Variants in RPRD1A observed in about 807,000 individuals in gnomAD.
The protein encoded by RPRD1A is regulation of nuclear pre-mRNA domain containing 1A.
RPRD1A carries 9 observed loss-of-function variants against 37.8 expected under a neutral mutation model. The observed-to-expected ratio is 0.24, with a 90% CI of 0.14 to 0.42. RPRD1A has a LOEUF of 0.42. Ranked by LOEUF, RPRD1A falls within the 10% of genes least tolerant of loss-of-function variation. The pLI is 1.00. For synonymous variants in RPRD1A, 138 were observed against 139.7 expected (o/e 0.99, Z 0.08); for missense variants, 255 against 371.0 (o/e 0.69, Z 2.57).
chr18:36,058,574 G>A (rs1026577846), intron 1 of RPRD1A, among the ~76,000 whole-genome samples: 3 of 151,968 alleles, frequency 2.0e-5, no homozygotes, highest in Admixed American at 6.6e-5. Flanking sequence ...ATAAAATTAC[G>A]TTACGGGCCA....
chr18:36,036,385 T>G (rs920101871), intron 1 of RPRD1A, among the ~76,000 whole-genome samples: 1 of 152,148 alleles, frequency 6.6e-6, no homozygotes, highest in Non-Finnish European at 1.5e-5. Context: ...TAGAATGTTT[T>G]TTAAATTCAT....
At chr18:35,998,068 C>T (rs903189827) in intron 6 of RPRD1A, among the ~76,000 whole-genome samples, 6 of 152,142 alleles carry the variant, frequency 3.9e-5, no homozygotes, top group Admixed American at 1.3e-4. Flanking sequence ...TCAAAATAAA[C>T]GTAACTAGGG....
chr18:35,997,339 C>A (rs571915412), intron 6 of RPRD1A, among the ~76,000 whole-genome samples: 1 of 152,186 alleles, frequency 6.6e-6, no homozygotes, highest in South Asian at 2.1e-4. Flanking sequence ...ATTGACCATT[C>A]ACATATCACA....
chr18:36,018,664 G>A (rs1386480205), intron 6 of RPRD1A, among the ~76,000 whole-genome samples: 1 of 152,032 alleles, frequency 6.6e-6, no homozygotes, highest in African/African-American at 2.4e-5. Context: ...TTGAGGGCAT[G>A]GTAATAAATA....
intron 6 of RPRD1A, among the ~76,000 whole-genome samples, chr18:36,020,921 G>T (rs1171572863): frequency 6.6e-6 from 1 of 152,054 alleles, no homozygotes; most frequent in Non-Finnish European, 1.5e-5. Flanking sequence ...TGTATTACAT[G>T]AAAAAGAAAG....
intron 4 of RPRD1A, among the ~76,000 whole-genome samples, chr18:36,029,605 T>A (rs569557403): frequency 6.7e-6 from 1 of 148,328 alleles, no homozygotes; most frequent in African/African-American, 2.5e-5. Context: ...GGAGGAAGCT[T>A]AAAGACTCAA....
At chr18:36,042,006 A>T (rs1912618216) in intron 1 of RPRD1A, among the ~76,000 whole-genome samples, 1 of 152,242 alleles carries the variant, frequency 6.6e-6, no homozygotes, top group East Asian at 1.9e-4. Context: ...GATCCTGTCA[A>T]TTCTTGCTTA....
chr18:36,021,765 G>C (rs1003940664), intron 6 of RPRD1A, among the ~76,000 whole-genome samples: 7 of 152,322 alleles, frequency 4.6e-5, no homozygotes, highest in African/African-American at 1.4e-4. Context: ...TTGGGAGGCT[G>C]AGGCAGGAGG....
chr18:36,040,546 A>G (rs1211101262), intron 1 of RPRD1A, among the ~76,000 whole-genome samples: 2 of 152,198 alleles, frequency 1.3e-5, no homozygotes, highest in African/African-American at 2.4e-5. Context: ...GAAGTACTGA[A>G]GTTTTAATTT....
chr18:36,042,048 A>C (rs1021928639), intron 1 of RPRD1A, among the ~76,000 whole-genome samples: 3 of 152,196 alleles, frequency 2.0e-5, no homozygotes, highest in African/African-American at 7.2e-5. Context: ...TTGTTTTCCA[A>C]ACAGCATTTT....
chr18:36,016,882 T>C (rs934343675), intron 6 of RPRD1A, among the ~76,000 whole-genome samples: 16 of 152,160 alleles, frequency 1.1e-4, no homozygotes, highest in Non-Finnish European at 2.1e-4. Context: ...TAAAATGACA[T>C]GTACAGTCTG....
At chr18:36,008,571 G>GTATACATATATATA (rs1359543093) in intron 6 of RPRD1A, among the ~76,000 whole-genome samples, 1 of 27,934 alleles carries the variant, frequency 3.6e-5, no homozygotes, top group African/African-American at 1.7e-4. Flanking sequence ...GCAAGACCTT[G>GTATACATATATATA]TGTGTGTATA....
chr18:36,027,223 C>T lies in RPRD1A; in HGVS notation c.574G>A (p.Val192Ile). ...AVHQRIASLPVEVQEVSLLDK... is the reference protein window; with the variant it reads ...AVHQRIASLPIEVQEVSLLDK... ...AATAGAGATACTTCTTGGACTTCAA[C>T]AGGTAAAGAAGCTATCCTCTGATGA... The change falls in exon 5 of 7, where the codon GTT becomes ATT. Residue 192 changes from valine to isoleucine, a missense_variant. By Grantham distance (29) the Val-to-Ile change is conservative. This residue lies in a region of RPRD1A where 211 missense variants were observed against 268.9 expected (regional missense o/e 0.78). Coordinates refer to ENST00000399022, the MANE Select transcript of RPRD1A (RefSeq NM_018170.5). 3 of 1,613,732 alleles carry T rather than the reference C, an allele frequency of 1.9e-6. No homozygotes were observed. Among genetic ancestry groups the T allele is most frequent in the Non-Finnish European group, 2.5e-6 (3 of 1,179,648 alleles).
intron 1 of RPRD1A, among the ~76,000 whole-genome samples, chr18:36,061,911 A>C (rs1212639999): frequency 2.6e-5 from 4 of 152,244 alleles, no homozygotes; most frequent in Admixed American, 6.5e-5. Flanking sequence ...AATGCATATC[A>C]AAATCATGAG....
Position 36,023,455 on chromosome 18 carries a change from G to A in RPRD1A, c.789+3445C>T, listed in dbSNP as rs28454123. 9.8e-3 allele frequency among the ~76,000 whole-genome samples: 1,487 copies of A among 152,244 alleles called. 24 individuals are homozygous for A. Among genetic ancestry groups the A allele is most frequent in the African/African-American group, 0.034 (1,413 of 41,544 alleles). ...TTGTTGGTGAGGAGTTGCTTCTTAT[G>A]GATGGGCAAATAAAGTGGTTTCCTG... On this transcript the variant is annotated intron_variant, in intron 6 of 6. Coordinates refer to ENST00000399022, the MANE Select transcript of RPRD1A (RefSeq NM_018170.5).
At chr18:36,062,486 A>G (rs1380466443) in intron 1 of RPRD1A, among the ~76,000 whole-genome samples, 2 of 151,884 alleles carry the variant, frequency 1.3e-5, no homozygotes, top group Non-Finnish European at 2.9e-5. Flanking sequence ...CTTGTACAGG[A>G]GTGCTCACAG....
intron 6 of RPRD1A, among the ~76,000 whole-genome samples, chr18:36,021,378 T>C (rs951665313): frequency 3.3e-5 from 5 of 152,206 alleles, no homozygotes; most frequent in African/African-American, 9.7e-5. Flanking sequence ...TTATGCATTA[T>C]GGTAATCTGT....
intron 6 of RPRD1A, among the ~76,000 whole-genome samples, chr18:36,015,213 CTTT>C (rs1198425451): frequency 3.6e-4 from 47 of 131,302 alleles, no homozygotes; most frequent in South Asian, 2.0e-3. Context: ...CATTCACATA[CTTT>C]TTTTTTTTTT....
At chr18:36,024,156 C>T (rs746632452) in intron 6 of RPRD1A, among the ~76,000 whole-genome samples, 9 of 151,304 alleles carry the variant, frequency 5.9e-5, no homozygotes, top group African/African-American at 9.7e-5. Flanking sequence ...TGTGTGCACG[C>T]GCACGCGCGT....
Sources: allele counts gnomAD v4.1 joint callset (sites outside exome capture counted in the v4.1 genomes callset), GRCh38; gene constraint gnomAD v4.1.1; regional missense constraint gnomAD v4.1.1; transcripts MANE v1.5; gene names NCBI Gene and HGNC (gene_info 2026-07-23, HGNC 2026-07-21).